WDFY1: variants seen among roughly 807,000 people sequenced by gnomAD.
WDFY1 encodes the protein WD repeat and FYVE domain-containing protein 1.
WDFY1 carries 32 observed loss-of-function variants against 56.4 expected under a neutral mutation model. The observed-to-expected ratio is 0.57, with a 90% CI of 0.43 to 0.76. The LOEUF (loss-of-function observed/expected upper bound fraction) is 0.76, where lower values mean the gene tolerates loss of function less well. Ranked by LOEUF, WDFY1 falls within the 30% of genes least tolerant of loss-of-function variation. The pLI is 0.00. For synonymous variants in WDFY1, 192 were observed against 197.3 expected (o/e 0.97, Z 0.23); for missense variants, 480 against 545.7 (o/e 0.88, Z 1.20).
intron 5 of WDFY1, 145 bp downstream of exon 5, chr2:223,901,038 T>TAA: frequency 1.3e-6 from 1 of 780,908 alleles, no homozygotes; most frequent in Non-Finnish European, 1.8e-6. Flanking sequence ...CTTTCCATGG[T>TAA]AAAAAAAAAA....
chr2:223,901,176 A>C lies in WDFY1; in HGVS notation c.485+7T>G, dbSNP rs960211442. 1 of 1,612,140 alleles carries C rather than the reference A, an allele frequency of 6.2e-7. No homozygotes were observed. The highest frequency in any genetic ancestry group is 8.5e-7 in the Non-Finnish European group (1 of 1,178,946). On this transcript the variant is annotated splice_region_variant and intron_variant, in intron 5 of 11. Transcript: ENST00000233055. ...GGGAAGGAGAGGTCCGTGGCTCTGA[A>C]GGATACTGCAGACACGAAGCCCAGG...
chr2:223,940,069 C>T (rs1472013509), intron 1 of WDFY1, among the ~76,000 whole-genome samples: 1 of 152,184 alleles, frequency 6.6e-6, no homozygotes, highest in Non-Finnish European at 1.5e-5. Flanking sequence ...GCCTGTAATC[C>T]CAGTACTTTG....
chr2:223,906,091 A>G lies in WDFY1; in HGVS notation c.280-90T>C, dbSNP rs189156694. On this transcript the variant is annotated intron_variant, in intron 3 of 11. Transcript: ENST00000233055. Reference sequence around the variant, plus strand: ...GACTTTCAAAAATGAAGTAAAATCCAAAAATGATTATCACAAGACCTAGGA... The same window carrying G: ...GACTTTCAAAAATGAAGTAAAATCCGAAAATGATTATCACAAGACCTAGGA... The G allele has an allele frequency of 5.9e-6, 6 of 1,014,580 alleles. No homozygotes were observed. In the East Asian group the frequency reaches 1.3e-4, roughly 23 times the overall value. The allele number at this position is 1,014,580 out of a possible 1,614,324, so 62.8% of individuals were successfully genotyped here.
At chr2:223,900,546 T>C (rs904247277) in intron 5 of WDFY1, among the ~76,000 whole-genome samples, 2 of 152,102 alleles carry the variant, frequency 1.3e-5, no homozygotes, top group Non-Finnish European at 2.9e-5. Context: ...TTCCATGTAG[T>C]AGCAGGAATT....
intron 2 of WDFY1, among the ~76,000 whole-genome samples, chr2:223,916,568 G>A (rs1335268813): frequency 6.6e-6 from 1 of 152,076 alleles, no homozygotes; most frequent in African/African-American, 2.4e-5. Context: ...CTTAACTGAA[G>A]AAAATCACTG....
At chr2:223,923,593 C>G (rs1007913004) in intron 1 of WDFY1, among the ~76,000 whole-genome samples, 12 of 152,054 alleles carry the variant, frequency 7.9e-5, no homozygotes, top group African/African-American at 2.9e-4. Flanking sequence ...AACCCTGTCT[C>G]TACTAAAAAT....
chr2:223,884,856 C>A, intron 8 of WDFY1, 107 bp from the exon 9 acceptor site: 4 of 716,840 alleles, frequency 5.6e-6, no homozygotes, highest in Non-Finnish European at 6.0e-6. Flanking sequence ...TATTTCTTTT[C>A]TTCTTTTTTT....
At chr2:223,879,658 C>CA (rs368005970) in intron 11 of WDFY1, among the ~76,000 whole-genome samples, 2,122 of 135,716 alleles carry the variant, frequency 0.016, 43 homozygotes, top group African/African-American at 0.052. Context: ...AGACCCATCT[C>CA]AAAAAAAAAA....
At chr2:223,941,321 C>G (rs1333571545) in intron 1 of WDFY1, among the ~76,000 whole-genome samples, 5 of 151,998 alleles carry the variant, frequency 3.3e-5, no homozygotes, top group Admixed American at 3.3e-4. Flanking sequence ...CCTTCTAGCT[C>G]TCAGTCTTCT....
intron 1 of WDFY1, among the ~76,000 whole-genome samples, chr2:223,940,891 C>T (rs1485049281): frequency 6.6e-6 from 1 of 152,172 alleles, no homozygotes; most frequent in South Asian, 2.1e-4. Context: ...GGCATGATCT[C>T]GGCTCACTTC....
intron 1 of WDFY1, among the ~76,000 whole-genome samples, chr2:223,944,481 C>T (rs1168001112): frequency 7.0e-6 from 1 of 142,178 alleles, no homozygotes. Flanking sequence ...CAGGGGTCCC[C>T]GGCTTGAGCA....
rs370246427 is a variant in WDFY1, at chr2:223,894,230, T to C, written c.831+4A>G. The C allele has an allele frequency of 1.9e-6, 3 of 1,613,992 alleles. No individual in the cohort carries two copies. The African/African-American group carries it at 4.0e-5, about 22-fold the overall frequency. On this transcript the variant is annotated splice_donor_region_variant and intron_variant, in intron 8 of 11. Coordinates refer to ENST00000233055, the MANE Select transcript of WDFY1 (RefSeq NM_020830.5). ...ATCAGCCTGGACTTGCCCTTGTCTC[T>C]TACCTCTTCTCTGCTAACATCCATG... is the stretch of plus-strand genomic sequence containing the variant.
At chr2:223,941,064 C>A (rs1046293948) in intron 1 of WDFY1, among the ~76,000 whole-genome samples, 1 of 151,944 alleles carries the variant, frequency 6.6e-6, no homozygotes, top group African/African-American at 2.4e-5. Context: ...TCAGGTGATC[C>A]ACCCGCCTCG....
At chr2:223,920,212 A>G (rs1693865796) in intron 1 of WDFY1, among the ~76,000 whole-genome samples, 1 of 152,228 alleles carries the variant, frequency 6.6e-6, no homozygotes, top group African/African-American at 2.4e-5. Context: ...AAGATCTTTA[A>G]GAAGCATCAG....
chr2:223,883,205 C>G (rs993327854), intron 9 of WDFY1, among the ~76,000 whole-genome samples: 3 of 152,182 alleles, frequency 2.0e-5, no homozygotes, highest in African/African-American at 4.8e-5. Context: ...TTTAAATGCA[C>G]TATGCTCTCA....
chr2:223,934,966 TC>T (rs1441462836), intron 1 of WDFY1, among the ~76,000 whole-genome samples: 1 of 152,138 alleles, frequency 6.6e-6, no homozygotes, highest in Non-Finnish European at 1.5e-5. Flanking sequence ...TTGGCAAACA[TC>T]GCACAAGAAG....
chr2:223,891,554 G>A (rs901222179), intron 8 of WDFY1, among the ~76,000 whole-genome samples: 7 of 151,996 alleles, frequency 4.6e-5, no homozygotes, highest in Non-Finnish European at 8.8e-5. Context: ...TTCTACAGAC[G>A]CAGTGAATTG....
chr2:223,920,746 T>A (rs1693873374), intron 1 of WDFY1, among the ~76,000 whole-genome samples: 1 of 152,184 alleles, frequency 6.6e-6, no homozygotes, highest in Non-Finnish European at 1.5e-5. Flanking sequence ...AAATGGAGTT[T>A]GGCCCTTGCC....
intron 1 of WDFY1, among the ~76,000 whole-genome samples, chr2:223,937,803 T>C (rs1230097156): frequency 6.6e-6 from 1 of 152,188 alleles, no homozygotes; most frequent in African/African-American, 2.4e-5. Flanking sequence ...TAAAGTCTAC[T>C]TTTAGGCTCT....
Sources: gnomAD v4.1 joint callset for allele counts (sites outside exome capture counted in the v4.1 genomes callset) on GRCh38, gnomAD v4.1.1 for gene constraint, MANE v1.5 for transcripts, NCBI Gene and HGNC (gene_info 2026-07-23, HGNC 2026-07-21) for gene names.